The following DYNC1I1 variants were observed in gnomAD, a reference collection of about 807,000 sequenced individuals.
DYNC1I1 encodes the protein cytoplasmic dynein 1 intermediate chain 1.
In DYNC1I1, 43 loss-of-function variants were observed where a neutral mutation model predicts 86.6. The ratio of observed to expected loss-of-function variants is 0.50; its 90% CI spans 0.39 to 0.64. DYNC1I1 has a LOEUF of 0.64. Ranked by LOEUF, DYNC1I1 falls within the 30% of genes least tolerant of loss-of-function variation. DYNC1I1 has a pLI of 0.00. For synonymous variants in DYNC1I1, 262 were observed against 283.7 expected, an observed-to-expected ratio of 0.92 and a Z score of 0.77; for missense variants, 604 against 788.8, an observed-to-expected ratio of 0.77 and a Z score of 2.81.
chr7:96,011,410 T>G (rs576032333), intron 10 of DYNC1I1, among the ~76,000 whole-genome samples: 20 of 152,160 alleles, frequency 1.3e-4, no homozygotes, highest in Non-Finnish European at 2.9e-4. Flanking sequence ...CCATAGAAAT[T>G]CACGTTCTTC....
At chr7:95,825,321 A>G (rs1795181661) in intron 4 of DYNC1I1, among the ~76,000 whole-genome samples, 1 of 152,202 alleles carries the variant, frequency 6.6e-6, no homozygotes, top group South Asian at 2.1e-4. Context: ...TGCTGGGAGA[A>G]GTGGAAAAGG....
intron 12 of DYNC1I1, 118 bp downstream of exon 12, chr7:96,032,898 G>A: frequency 1.3e-6 from 1 of 768,608 alleles, no homozygotes; most frequent in Non-Finnish European, 2.1e-6. Flanking sequence ...ACAAATGGAT[G>A]CACTTGAAAG....
intron 6 of DYNC1I1, among the ~76,000 whole-genome samples, chr7:95,942,001 A>G (rs1792238282): frequency 1.3e-5 from 2 of 152,216 alleles, no homozygotes; most frequent in Non-Finnish European, 2.9e-5. Flanking sequence ...AGCTAGCAGA[A>G]GGCAAGAAAT....
intron 6 of DYNC1I1, among the ~76,000 whole-genome samples, chr7:95,880,573 A>C (rs181859951): frequency 1.7e-4 from 26 of 151,746 alleles, no homozygotes; most frequent in Admixed American, 1.5e-3. Flanking sequence ...AGAGTGGGTA[A>C]GTCTGCCTAT....
chr7:95,858,596 C>T (rs978167947), intron 5 of DYNC1I1, among the ~76,000 whole-genome samples: 3 of 148,980 alleles, frequency 2.0e-5, no homozygotes, highest in African/African-American at 5.0e-5. Flanking sequence ...ACACCAATAG[C>T]ACCACAAACA....
chr7:95,944,835 G>A (rs1018534513), intron 6 of DYNC1I1, among the ~76,000 whole-genome samples: 1 of 144,202 alleles, frequency 6.9e-6, no homozygotes, highest in Non-Finnish European at 1.5e-5. Context: ...AGGACACATG[G>A]ACACCGGAAG....
intron 14 of DYNC1I1, among the ~76,000 whole-genome samples, chr7:96,059,891 C>G (rs1562989249): frequency 1.3e-5 from 2 of 152,126 alleles, no homozygotes; most frequent in Admixed American, 1.3e-4. Flanking sequence ...AAAAGCTAAT[C>G]AGTGGTCAGA....
At chr7:96,058,762 G>A (rs914545561) in intron 14 of DYNC1I1, among the ~76,000 whole-genome samples, 2 of 151,460 alleles carry the variant, frequency 1.3e-5, no homozygotes, top group African/African-American at 4.9e-5. Flanking sequence ...AGCCTCCTGA[G>A]GCAGGAAATT....
intron 14 of DYNC1I1, among the ~76,000 whole-genome samples, chr7:96,052,373 A>G (rs1301339403): frequency 6.6e-6 from 1 of 152,178 alleles, no homozygotes; most frequent in Non-Finnish European, 1.5e-5. Context: ...AGGAAAGGGC[A>G]TTCAAGCAGA....
chr7:96,086,838 C>T (rs1790695376), intron 16 of DYNC1I1, among the ~76,000 whole-genome samples: 1 of 152,050 alleles, frequency 6.6e-6, no homozygotes. Flanking sequence ...ATTTGTAACG[C>T]CAACAGGAAG....
chr7:96,053,538 AC>A lies in DYNC1I1; in HGVS notation c.1509+14121del, dbSNP rs1231220205. 7.2e-5 allele frequency among the ~76,000 whole-genome samples: 11 copies of A among 151,974 alleles called. No homozygotes were observed. In the East Asian group the frequency reaches 2.1e-3, roughly 29 times the overall value. ...CTAGCACTTCTAATCCTCACCCAAA[AC>A]CCCATTAGTCTTTTCACACCTGCTC... On this transcript the variant is annotated intron_variant, in intron 14 of 16. Transcript: ENST00000447467.
At chr7:95,776,550 C>G (rs978028183) in intron 1 of DYNC1I1, among the ~76,000 whole-genome samples, 1 of 152,150 alleles carries the variant, frequency 6.6e-6, no homozygotes, top group Non-Finnish European at 1.5e-5. Flanking sequence ...ACTAAAAATA[C>G]AGGAAGAATC....
chr7:96,046,677 T>C (rs959279207), intron 14 of DYNC1I1, among the ~76,000 whole-genome samples: 4 of 152,316 alleles, frequency 2.6e-5, no homozygotes, highest in Admixed American at 2.6e-4. Flanking sequence ...AGCCAGAATT[T>C]AGGCAGTGAG....
intron 6 of DYNC1I1, among the ~76,000 whole-genome samples, chr7:95,956,929 T>C (rs1792732591): frequency 6.6e-6 from 1 of 152,208 alleles, no homozygotes. Flanking sequence ...CATCATTCAG[T>C]TCATTTAACA....
intron 5 of DYNC1I1, among the ~76,000 whole-genome samples, chr7:95,869,071 G>A (rs1477579609): frequency 6.6e-6 from 1 of 152,152 alleles, no homozygotes; most frequent in African/African-American, 2.4e-5. Context: ...CAATTTACGA[G>A]TTGTATATAC....
intron 6 of DYNC1I1, among the ~76,000 whole-genome samples, chr7:95,885,314 C>G (rs1790565062): frequency 6.6e-6 from 1 of 151,966 alleles, no homozygotes; most frequent in Non-Finnish European, 1.5e-5. Context: ...AATACAGGCA[C>G]TCACCACCAC....
chr7:96,007,761 A>G (rs1209150777), intron 10 of DYNC1I1, among the ~76,000 whole-genome samples: 1 of 152,222 alleles, frequency 6.6e-6, no homozygotes. Context: ...CCTAGTTCAC[A>G]CATATCAAAG....
At chr7:96,101,310 G>T (rs968473397), downstream of DYNC1I1, among the ~76,000 whole-genome samples, 3 of 152,178 alleles carry the variant, frequency 2.0e-5, no homozygotes, top group African/African-American at 7.2e-5. Flanking sequence ...GGAGACTGAA[G>T]ACTGTTACCT....
At chr7:96,044,021 A>G (rs1789136124) in intron 14 of DYNC1I1, among the ~76,000 whole-genome samples, 1 of 152,110 alleles carries the variant, frequency 6.6e-6, no homozygotes, top group Non-Finnish European at 1.5e-5. Flanking sequence ...AATTGTTATG[A>G]TCACTTTAAA....
Sources: allele counts gnomAD v4.1 joint callset (sites outside exome capture counted in the v4.1 genomes callset), GRCh38; gene constraint gnomAD v4.1.1; transcripts MANE v1.5; gene names NCBI Gene and HGNC (gene_info 2026-07-23, HGNC 2026-07-21).